The following PDE4DIP variants were observed in gnomAD, a reference collection of about 807,000 sequenced individuals.
The protein encoded by PDE4DIP is myomegalin.
PDE4DIP carries 59 observed loss-of-function variants against 221.4 expected under a neutral mutation model. That is an observed-to-expected ratio of 0.27 (90% CI 0.22 to 0.33). PDE4DIP has a LOEUF of 0.33. Ranked by LOEUF, PDE4DIP falls within the 10% of genes least tolerant of loss-of-function variation. The pLI, the probability that PDE4DIP is intolerant of heterozygous loss-of-function variation, is 1.00. For missense variants in PDE4DIP, 1,036 were observed against 2,154.2 expected, an observed-to-expected ratio of 0.48 and a Z score of 10.28; for synonymous variants, 404 against 815.9, an observed-to-expected ratio of 0.50 and a Z score of 8.60.
chr1:149,013,891 G>A (rs1699805), intron 32 of PDE4DIP, among the ~76,000 whole-genome samples: 5 of 148,678 alleles, frequency 3.4e-5, no homozygotes, highest in East Asian at 2.0e-4. Flanking sequence ...GGGCTCAAGC[G>A]ACTCTCCCAC....
intron 17 of PDE4DIP, among the ~76,000 whole-genome samples, chr1:148,975,229 G>C (rs1273619704): frequency 6.8e-6 from 1 of 147,976 alleles, no homozygotes; most frequent in Admixed American, 6.7e-5. Context: ...AGGAAGCGCT[G>C]TGTGATTGCT....
intron 5 of PDE4DIP, among the ~76,000 whole-genome samples, chr1:148,945,333 A>G (rs1473191269): frequency 1.3e-5 from 2 of 151,810 alleles, no homozygotes; most frequent in South Asian, 2.1e-4. Context: ...TTTGGTCCAC[A>G]GTCCATAGTT....
At chr1:148,901,554 C>T (rs2040609097) in intron 1 of PDE4DIP, among the ~76,000 whole-genome samples, 2 of 135,190 alleles carry the variant, frequency 1.5e-5, no homozygotes, top group Non-Finnish European at 3.2e-5. Context: ...TTTCATATCC[C>T]AGCCTCATGT....
chr1:148,976,501 A>G (rs1553537765), intron 17 of PDE4DIP, among the ~76,000 whole-genome samples: 1 of 152,020 alleles, frequency 6.6e-6, no homozygotes, highest in Non-Finnish European at 1.5e-5. Flanking sequence ...ATCTCATAGG[A>G]TTGTTGTGAG....
At chr1:148,941,476 G>A (rs1328716983) in intron 5 of PDE4DIP, among the ~76,000 whole-genome samples, 13 of 138,876 alleles carry the variant, frequency 9.4e-5, no homozygotes, top group Admixed American at 2.1e-4. Context: ...AAAAAAAAAA[G>A]CAAGGGGAAT....
intron 5 of PDE4DIP, chr1:148,953,234 C>T (rs782746792): frequency 6.2e-7 from 1 of 1,612,212 alleles, no homozygotes; most frequent in Middle Eastern, 1.7e-4. Flanking sequence ...CCAGGAGCCA[C>T]ACAGCTGCCA....
chr1:148,948,328 T>A (rs1298813348), intron 5 of PDE4DIP, among the ~76,000 whole-genome samples: 1 of 152,188 alleles, frequency 6.6e-6, no homozygotes, highest in African/African-American at 2.4e-5. Context: ...CATGCCTTCC[T>A]CCAATCATAA....
chr1:149,018,575 A>T (rs2071541606), exon 35 of PDE4DIP: 1 of 1,417,416 alleles, frequency 7.1e-7, no homozygotes, highest in Non-Finnish European at 1.0e-6. Context: ...CAGGGCCTGG[A>T]GTCCATACCT....
intron 9 of PDE4DIP, among the ~76,000 whole-genome samples, chr1:148,963,615 G>A (rs1305547988): frequency 6.6e-6 from 1 of 151,486 alleles, no homozygotes; most frequent in Non-Finnish European, 1.5e-5. Flanking sequence ...GAAAAGTGGG[G>A]AAGAACCACT....
chr1:148,952,386 C>T (rs587727632), intron 5 of PDE4DIP: 3 of 1,079,170 alleles, frequency 2.8e-6, no homozygotes, highest in Non-Finnish European at 3.4e-6. Context: ...TCCTCCATCC[C>T]CGAGGCTTTG....
chr1:148,927,170 C>G (rs1553466316), intron 1 of PDE4DIP, among the ~76,000 whole-genome samples: 1 of 151,586 alleles, frequency 6.6e-6, no homozygotes, highest in Non-Finnish European at 1.5e-5. Flanking sequence ...TCTGGTAATG[C>G]TATTTAGTGT....
chr1:148,890,257 A>T (rs1697937729), intron 1 of PDE4DIP, among the ~76,000 whole-genome samples: 2 of 48,506 alleles, frequency 4.1e-5, no homozygotes, highest in African/African-American at 7.4e-5. Context: ...AGGTGGGGGG[A>T]GAGGGTGGGG....
At chr1:148,951,762 T>C (rs587669262) in intron 5 of PDE4DIP, among the ~76,000 whole-genome samples, 1 of 152,310 alleles carries the variant, frequency 6.6e-6, no homozygotes, top group Non-Finnish European at 1.5e-5. Flanking sequence ...TGTGCTTTTT[T>C]ATCTAAAGAA....
At chr1:148,862,260 T>G (rs1405866077) in intron 1 of PDE4DIP, among the ~76,000 whole-genome samples, 3 of 151,240 alleles carry the variant, frequency 2.0e-5, no homozygotes, top group Non-Finnish European at 4.4e-5. Context: ...ATTCCATGAG[T>G]GCAGGGATTT....
intron 5 of PDE4DIP, chr1:148,938,545 A>G (rs1224562344): frequency 1.3e-5 from 2 of 152,178 alleles, no homozygotes. Context: ...ATTTATAATT[A>G]TATAGAACAT....
At chr1:148,958,117 C>T in intron 5 of PDE4DIP, among the ~76,000 whole-genome samples, 1 of 125,510 alleles carries the variant, frequency 8.0e-6, no homozygotes, top group Middle Eastern at 3.9e-3. Flanking sequence ...CTGTTATACT[C>T]ACAACAACAA....
intron 40 of PDE4DIP, among the ~76,000 whole-genome samples, chr1:149,028,277 T>G (rs4124917): frequency 0.72 from 102,458 of 141,392 alleles, 38,210 homozygotes; most frequent in African/African-American, 0.89. Flanking sequence ...CTGTGAGAGC[T>G]CCAATACAAA....
At chr1:148,959,718 T>G (rs782348999) in intron 5 of PDE4DIP, among the ~76,000 whole-genome samples, 3 of 152,122 alleles carry the variant, frequency 2.0e-5, no homozygotes, top group Non-Finnish European at 2.9e-5. Context: ...AAAATCATAC[T>G]TTTTTCTCCT....
intron 31 of PDE4DIP, among the ~76,000 whole-genome samples, chr1:149,011,198 C>A (rs1381056506): frequency 7.3e-6 from 1 of 137,436 alleles, no homozygotes; most frequent in Admixed American, 7.3e-5. Context: ...CATTCACAGC[C>A]CTGTACCAGG....
Sources: allele counts gnomAD v4.1 joint callset (sites outside exome capture counted in the v4.1 genomes callset), GRCh38; gene constraint gnomAD v4.1.1; transcripts MANE v1.5; gene names NCBI Gene and HGNC (gene_info 2026-07-23, HGNC 2026-07-21).